The following CTNNA1 variants were observed in gnomAD, a reference collection of about 807,000 sequenced individuals.
CTNNA1 encodes catenin alpha 1.
CTNNA1 carries 37 observed loss-of-function variants against 98.4 expected under a neutral mutation model. The observed-to-expected ratio is 0.38, with a 90% CI of 0.29 to 0.49. The LOEUF is 0.49. Ranked by LOEUF, CTNNA1 falls within the 20% of genes least tolerant of loss-of-function variation. The pLI is 0.95. For missense variants in CTNNA1, 761 were observed against 1,147.2 expected (o/e 0.66, Z 4.86); for synonymous variants, 404 against 413.2 (o/e 0.98, Z 0.27).
At chr5:138,881,468 T>C (rs148303659) in intron 7 of CTNNA1, among the ~76,000 whole-genome samples, 1,691 of 152,310 alleles carry the variant, frequency 0.011, 26 homozygotes, top group African/African-American at 0.039. Context: ...CACAGCAAGC[T>C]TTTTAGCCCT....
chr5:138,876,766 G>A (rs910000378), intron 7 of CTNNA1, among the ~76,000 whole-genome samples: 18 of 152,206 alleles, frequency 1.2e-4, no homozygotes, highest in African/African-American at 4.1e-4. Context: ...CTGTTGTAGT[G>A]TTGTGCTGGA....
At chr5:138,920,964 A>G (rs193150290) in intron 11 of CTNNA1, among the ~76,000 whole-genome samples, 10 of 152,216 alleles carry the variant, frequency 6.6e-5, no homozygotes, top group East Asian at 1.9e-4. Flanking sequence ...GGCGGGGGGA[A>G]CTTTGATCAT....
intron 10 of CTNNA1, among the ~76,000 whole-genome samples, chr5:138,909,117 T>G (rs191129149): frequency 5.9e-5 from 9 of 152,238 alleles, no homozygotes; most frequent in Admixed American, 5.2e-4. Flanking sequence ...GTTTCTGACA[T>G]TTTGAGTCTT....
chr5:138,803,142 C>T (rs1327528039), intron 3 of CTNNA1, among the ~76,000 whole-genome samples: 1 of 151,726 alleles, frequency 6.6e-6, no homozygotes, highest in Non-Finnish European at 1.5e-5. Context: ...TGCTTTTCCT[C>T]CTGGTAATGG....
At chr5:138,854,757 C>T (rs1763571238) in intron 7 of CTNNA1, among the ~76,000 whole-genome samples, 1 of 152,134 alleles carries the variant, frequency 6.6e-6, no homozygotes, top group Admixed American at 6.5e-5. Context: ...TCTCTGTAGA[C>T]ACTGTTCATT....
rs74994764 is a variant in CTNNA1, at chr5:138,907,470, G to A, written c.1389+3029G>A. Among the ~76,000 whole-genome samples, 17 of 152,310 alleles carry A rather than the reference G, an allele frequency of 1.1e-4. No homozygotes were observed. In the East Asian group the frequency reaches 3.3e-3, roughly 29 times the overall value. On this transcript the variant is annotated intron_variant, in intron 10 of 17. Coordinates refer to ENST00000302763, the MANE Select transcript of CTNNA1 (RefSeq NM_001903.5). ...TGCTGCCTCTGGCCTGCTGTGGCCC[G>A]TGTGTTTCATGCTCAGAGGATCTCT...
chr5:138,893,767 A>G (rs1756048965), intron 9 of CTNNA1, among the ~76,000 whole-genome samples: 1 of 150,004 alleles, frequency 6.7e-6, no homozygotes, highest in African/African-American at 2.5e-5. Context: ...GGGATTACAG[A>G]CACGTGCCAC....
At chr5:138,877,334 G>T (rs559726237) in intron 7 of CTNNA1, among the ~76,000 whole-genome samples, 1 of 152,194 alleles carries the variant, frequency 6.6e-6, no homozygotes, top group South Asian at 2.1e-4. Context: ...GGTTGAGTCC[G>T]ATTCCTACAG....
intron 10 of CTNNA1, 64 bp downstream of exon 10, chr5:138,904,505 G>C (rs1758748449): frequency 1.3e-6 from 2 of 1,564,086 alleles, no homozygotes; most frequent in African/African-American, 2.8e-5. Context: ...GTGGAGATGA[G>C]GTTTATTTTG....
At chr5:138,780,587 G>A (rs529998966) in intron 1 of CTNNA1, among the ~76,000 whole-genome samples, 10 of 150,576 alleles carry the variant, frequency 6.6e-5, no homozygotes, top group Non-Finnish European at 7.4e-5. Flanking sequence ...GCACAATCTC[G>A]GCTCACTGCA....
chr5:138,774,121 G>A (rs1286217301), intron 1 of CTNNA1, among the ~76,000 whole-genome samples: 2 of 152,150 alleles, frequency 1.3e-5, no homozygotes, highest in Non-Finnish European at 2.9e-5. Flanking sequence ...GACCTCAGGT[G>A]ATCTGCCCAC....
Position 138,873,262 on chromosome 5 carries a change from A to C in CTNNA1, c.1063-12950A>C. On this transcript the variant is annotated intron_variant, in intron 7 of 17. Coordinates refer to ENST00000302763, the MANE Select transcript of CTNNA1 (RefSeq NM_001903.5). The surrounding 1 kb of genome is among the most constrained non-coding windows in gnomAD (Gnocchi z 6.1). ...ACACTATAAAAATAATAAAAAAGAA[A>C]GAAAACAATAAAGCCATTGTTCCCG... 1 of 1,613,896 alleles carries C rather than the reference A, an allele frequency of 6.2e-7. No homozygotes were observed. The highest frequency in any genetic ancestry group is 8.5e-7 in the Non-Finnish European group (1 of 1,179,808).
At chr5:138,930,172 A>G (rs578175348) in intron 14 of CTNNA1, among the ~76,000 whole-genome samples, 1 of 152,276 alleles carries the variant, frequency 6.6e-6, no homozygotes, top group African/African-American at 2.4e-5. Context: ...CTTGTCTTAT[A>G]TTAATAAGAA....
At chr5:138,862,911 C>G (rs903435846) in intron 7 of CTNNA1, among the ~76,000 whole-genome samples, 1 of 152,212 alleles carries the variant, frequency 6.6e-6, no homozygotes, top group African/African-American at 2.4e-5. Flanking sequence ...TAGCATTTCA[C>G]TCTCTACACG....
intron 9 of CTNNA1, among the ~76,000 whole-genome samples, chr5:138,889,565 C>T (rs1754886100): frequency 6.6e-6 from 1 of 152,054 alleles, no homozygotes; most frequent in Non-Finnish European, 1.5e-5. Flanking sequence ...GCTCCAGGAG[C>T]TTTTTCCAAG....
At chr5:138,779,178 C>T (rs1440685943) in intron 1 of CTNNA1, among the ~76,000 whole-genome samples, 1 of 151,884 alleles carries the variant, frequency 6.6e-6, no homozygotes, top group Non-Finnish European at 1.5e-5. Flanking sequence ...CATGCCTGGC[C>T]AGTTTTCACC....
Position 138,827,619 on chromosome 5 carries a change from C to T in CTNNA1, c.963C>T (p.Asp321=), listed in dbSNP as rs61736922. ...TTAGTGGGGCTGCCTTGATGGCCGACTCGTCCTGCACGCGTGATGACCGTC... is the reference window on the plus strand; with the variant it reads ...TTAGTGGGGCTGCCTTGATGGCCGATTCGTCCTGCACGCGTGATGACCGTC... ...SIISGAALMA[D]SSCTRDDRRE... is the part of the protein sequence containing the mutation. The change falls in exon 7 of 18, where the codon GAC becomes GAT. Residue 321 remains aspartate, a synonymous_variant. Coordinates refer to ENST00000302763, the MANE Select transcript of CTNNA1 (RefSeq NM_001903.5). 196 of 1,614,230 alleles carry T rather than the reference C, an allele frequency of 1.2e-4. No homozygotes were observed. In the African/African-American group the frequency reaches 2.4e-3, roughly 20 times the overall value.
At chr5:138,773,051 C>T (rs1387687504) in intron 1 of CTNNA1, among the ~76,000 whole-genome samples, 2 of 152,114 alleles carry the variant, frequency 1.3e-5, no homozygotes, top group African/African-American at 4.8e-5. Flanking sequence ...AGTGCTGGTT[C>T]CAGAAGCTGA....
At chr5:138,899,565 GTTGCCTT>G (rs554109623) in intron 9 of CTNNA1, among the ~76,000 whole-genome samples, 6 of 152,282 alleles carry the variant, frequency 3.9e-5, no homozygotes, top group African/African-American at 1.4e-4. Flanking sequence ...TACTAGGGTT[GTTGCCTT>G]TTGCCTGTTC....
Sources: gnomAD v4.1 joint callset for allele counts (sites outside exome capture counted in the v4.1 genomes callset) on GRCh38, gnomAD v4.1.1 for gene constraint, Gnocchi (gnomAD v3.1) non-coding constraint, MANE v1.5 for transcripts, NCBI Gene and HGNC (gene_info 2026-07-23, HGNC 2026-07-21) for gene names.